MEGF9: variants seen among roughly 807,000 people sequenced by gnomAD.
MEGF9 encodes multiple epidermal growth factor-like domains protein 9.
A neutral mutation model predicts 46.8 loss-of-function variants in MEGF9; 6 were observed. The observed-to-expected ratio is 0.13, with a 90% CI of 0.07 to 0.25. The LOEUF is 0.25. MEGF9 is among the 10% of genes least tolerant of loss of function. The pLI is 1.00. For missense variants in MEGF9, 683 were observed against 792.4 expected (o/e 0.86, Z 1.66); for synonymous variants, 302 against 330.7 (o/e 0.91, Z 0.94).
intron 2 of MEGF9, among the ~76,000 whole-genome samples, chr9:120,630,046 T>G (rs534308716): frequency 2.0e-5 from 3 of 152,362 alleles, no homozygotes; most frequent in African/African-American, 7.2e-5. Flanking sequence ...ATCCGCCCAT[T>G]GCTGAGTAGC....
chr9:120,686,604 T>G (rs965099898), intron 1 of MEGF9, among the ~76,000 whole-genome samples: 3 of 152,198 alleles, frequency 2.0e-5, no homozygotes, highest in Admixed American at 6.5e-5. Flanking sequence ...TAGAAGCTAG[T>G]GAATCTTAAA....
At chr9:120,679,404 CAT>C (rs2043788155) in intron 1 of MEGF9, among the ~76,000 whole-genome samples, 1 of 145,904 alleles carries the variant, frequency 6.9e-6, no homozygotes. Flanking sequence ...TGTTCTCACT[CAT>C]ATGTGGGAAT....
chr9:120,707,514 G>T (rs766958189), intron 1 of MEGF9, among the ~76,000 whole-genome samples: 2 of 152,290 alleles, frequency 1.3e-5, no homozygotes, highest in Middle Eastern at 6.8e-3. Flanking sequence ...ATGAAAAAAT[G>T]AAAAAATCTA....
rs1371580367 is a variant in MEGF9, at chr9:120,622,741, T to G, written c.818A>C (p.Gln273Pro). The G allele has an allele frequency of 6.2e-7, 1 of 1,613,576 alleles. No individual in the cohort carries two copies. The highest frequency in any genetic ancestry group is 2.2e-5 in the East Asian group (1 of 44,858). The change falls in exon 3 of 6, where the codon CAG (glutamine) becomes CCG (proline). Residue 273 changes from glutamine (Q) to proline (P), a missense_variant. Gln to Pro is a moderately conservative substitution (Grantham distance 76). Transcript: ENST00000373930. ...SIPCNSSGKC[Q>P]CKVGVIGSIC... ...AGAGCCAATGACACCCACTTTGCACTGGCATTTCCCAGAACTGCAAATAAA... is the reference window on the plus strand; with the variant it reads ...AGAGCCAATGACACCCACTTTGCACGGGCATTTCCCAGAACTGCAAATAAA...
intron 4 of MEGF9, among the ~76,000 whole-genome samples, chr9:120,610,985 T>C (rs1051717976): frequency 2.6e-5 from 4 of 152,150 alleles, no homozygotes; most frequent in Non-Finnish European, 5.9e-5. Context: ...AATATATGAA[T>C]GAACAATAAG....
intron 2 of MEGF9, among the ~76,000 whole-genome samples, chr9:120,657,278 C>T (rs964464487): frequency 2.6e-5 from 4 of 152,214 alleles, no homozygotes; most frequent in Non-Finnish European, 5.9e-5. Flanking sequence ...TGTACTTTTC[C>T]ATTACTTTAT....
chr9:120,682,447 A>T lies in MEGF9; in HGVS notation c.602-22872T>A, dbSNP rs141267946. ...AGTAGTACAAAGAGAACAAAAGGAA[A>T]GGTCAGTTTAAAAATGCTATCCTAA... On this transcript the variant is annotated intron_variant, in intron 1 of 5. Transcript: ENST00000373930. Among the ~76,000 whole-genome samples the T allele has an allele frequency of 3.3e-5, 5 of 152,304 alleles. No homozygotes were observed. The East Asian group carries it at 9.6e-4, about 29-fold the overall frequency.
At chr9:120,648,998 C>CG (rs113815308) in intron 2 of MEGF9, among the ~76,000 whole-genome samples, 2 of 152,250 alleles carry the variant, frequency 1.3e-5, no homozygotes, top group African/African-American at 4.8e-5. Context: ...CCCACCATAC[C>CG]GAAGTCTTCA....
chr9:120,691,820 G>A (rs914589375), intron 1 of MEGF9, among the ~76,000 whole-genome samples: 1 of 152,106 alleles, frequency 6.6e-6, no homozygotes. Flanking sequence ...GAACATTACC[G>A]GTTTGGGTAG....
intron 1 of MEGF9, among the ~76,000 whole-genome samples, chr9:120,674,934 A>C (rs2043766267): frequency 6.7e-6 from 1 of 149,958 alleles, no homozygotes; most frequent in Non-Finnish European, 1.5e-5. Flanking sequence ...GCTGGAGTGC[A>C]GTGGCGCGAT....
rs2043406771 is a variant in MEGF9, at chr9:120,603,569, A to C, written c.*1621T>G. On this transcript the variant is annotated 3_prime_UTR_variant, in exon 6 of 6. Transcript: ENST00000373930. The stretch of plus-strand genomic sequence containing the variant: ...GCTTGAATTTCCTAGGTCTAATCTA[A>C]TAAGAAGTTTTTATTTTTTTTCTAA... 1 of 152,180 alleles carries C rather than the reference A, an allele frequency of 6.6e-6. No individual in the cohort carries two copies. 9.4% of individuals were successfully genotyped at this position (152,180 alleles called of 1,614,324 possible).
chr9:120,662,142 A>C (rs1292674343), intron 1 of MEGF9, among the ~76,000 whole-genome samples: 2 of 152,184 alleles, frequency 1.3e-5, no homozygotes, highest in African/African-American at 4.8e-5. Context: ...GAATTTAAGA[A>C]CTCAGATATA....
intron 1 of MEGF9, among the ~76,000 whole-genome samples, chr9:120,700,362 T>C (rs1038553731): frequency 2.0e-5 from 3 of 152,200 alleles, no homozygotes; most frequent in African/African-American, 7.2e-5. Context: ...TTGCAGGCAA[T>C]ACACCAACAA....
At chr9:120,641,850 G>A (rs1387934745) in intron 2 of MEGF9, among the ~76,000 whole-genome samples, 2 of 152,130 alleles carry the variant, frequency 1.3e-5, no homozygotes, top group African/African-American at 4.8e-5. Flanking sequence ...CCTAAGAAGA[G>A]GGTACTTAAG....
chr9:120,644,071 A>T (rs141580651), intron 2 of MEGF9, among the ~76,000 whole-genome samples: 6 of 152,204 alleles, frequency 3.9e-5, no homozygotes, highest in Non-Finnish European at 7.3e-5. Flanking sequence ...GAAATTAACA[A>T]TGGCACAATA....
rs1370391772 is a variant in MEGF9, at chr9:120,604,053, G to A, written c.*1137C>T. The A allele has an allele frequency of 6.6e-6, 1 of 152,594 alleles. No individual in the cohort carries two copies. Among genetic ancestry groups the A allele is most frequent in the Admixed American group, 6.6e-5 (1 of 15,262 alleles). The allele number at this position is 152,594 out of a possible 1,614,324, so 9.5% of individuals were successfully genotyped here. On this transcript the variant is annotated 3_prime_UTR_variant, in exon 6 of 6. Coordinates refer to ENST00000373930, the MANE Select transcript of MEGF9 (RefSeq NM_001080497.3). ...GAGGATATGTTTTATATTAATCTAT[G>A]TAAAATATATAGGGTGGCTAATGTC...
intron 1 of MEGF9, among the ~76,000 whole-genome samples, chr9:120,677,869 G>A (rs899365569): frequency 3.9e-5 from 6 of 152,012 alleles, no homozygotes; most frequent in Admixed American, 2.0e-4. Flanking sequence ...TTCATGTTTC[G>A]AGAGTATATT....
At chr9:120,684,617 T>C (rs995064999) in intron 1 of MEGF9, among the ~76,000 whole-genome samples, 1 of 152,190 alleles carries the variant, frequency 6.6e-6, no homozygotes, top group Non-Finnish European at 1.5e-5. Context: ...TCATCGTGAC[T>C]AAGCATTTGA....
At chr9:120,622,591 T>A (rs1335742147) in intron 3 of MEGF9, 25 bp downstream of exon 3, 1 of 1,611,952 alleles carries the variant, frequency 6.2e-7, no homozygotes, top group Non-Finnish European at 8.5e-7. Flanking sequence ...AATAATTACA[T>A]GACAAAGTTA....
Sources: allele counts gnomAD v4.1 joint callset (sites outside exome capture counted in the v4.1 genomes callset), GRCh38; gene constraint gnomAD v4.1.1; transcripts MANE v1.5; gene names NCBI Gene and HGNC (gene_info 2026-07-23, HGNC 2026-07-21).